Variants in HNRNPD observed in about 807,000 individuals in gnomAD.
HNRNPD encodes the protein heterogeneous nuclear ribonucleoprotein D0.
In HNRNPD, 3 loss-of-function variants were observed where a neutral mutation model predicts 47.9. The ratio of observed to expected loss-of-function variants is 0.06; its 90% CI spans 0.03 to 0.16. HNRNPD has a LOEUF of 0.16. HNRNPD is among the 10% of genes least tolerant of loss of function. The pLI, the probability that HNRNPD is intolerant of heterozygous loss-of-function variation, is 1.00. For synonymous variants in HNRNPD, 171 were observed against 165.1 expected (o/e 1.04, Z -0.28); for missense variants, 287 against 454.2 (o/e 0.63, Z 3.35).
rs369478854 is a variant in HNRNPD at position 82,373,495 on chromosome 4, C to G, written c.184G>C (p.Glu62Gln). The G allele has an allele frequency of 6.5e-6, 10 of 1,550,262 alleles. No homozygotes were observed. In the African/African-American group the frequency reaches 1.2e-4, roughly 19 times the overall value. ...GCGTCAATCTTCGCCCCCTCCGACT[C>G]GGCGCTGCCCCCTTCGGTGCCTCCA... ...ASGGTEGGSAESEGAKIDASK... is the reference protein window; with the variant it reads ...ASGGTEGGSAQSEGAKIDASK... The change falls in exon 1 of 9, where the codon GAG becomes CAG. Residue 62 changes from glutamate (E) to glutamine (Q), a missense_variant. Glu to Gln is a conservative substitution (Grantham distance 29, BLOSUM62 2). Coordinates refer to ENST00000313899, the MANE Select transcript of HNRNPD (RefSeq NM_031370.3).
At chr4:82,355,230 A>G (rs770125383) in intron 8 of HNRNPD, 74 bp downstream of exon 8, 19 of 819,902 alleles carry the variant, frequency 2.3e-5, no homozygotes, top group Non-Finnish European at 3.8e-5. Flanking sequence ...TAAATTAAGC[A>G]TTGTTTTATG....
chr4:82,365,771 A>ATTTTTTTTT (rs80051188), intron 2 of HNRNPD, among the ~76,000 whole-genome samples: 7 of 106,254 alleles, frequency 6.6e-5, no homozygotes, highest in African/African-American at 8.6e-5. Context: ...GGCCCAGCTA[A>ATTTTTTTTT]TTTTTTTTTT....
At chr4:82,364,132 A>T (rs1719626960) in intron 2 of HNRNPD, among the ~76,000 whole-genome samples, 3 of 151,798 alleles carry the variant, frequency 2.0e-5, no homozygotes, top group Non-Finnish European at 4.4e-5. Context: ...ACCCACCAAC[A>T]CACCCGGCTA....
chr4:82,358,412 T>C (rs1163937020), intron 4 of HNRNPD: 1 of 362,726 alleles, frequency 2.8e-6, no homozygotes, highest in Non-Finnish European at 4.9e-6. Context: ...TTAAGAATGT[T>C]TGTCTATTTC....
rs909923345 is a variant in HNRNPD, at chr4:82,352,599, A to T, written c.*1586T>A. On this transcript the variant is annotated 3_prime_UTR_variant, in exon 9 of 9. Coordinates refer to ENST00000313899, the MANE Select transcript of HNRNPD (RefSeq NM_031370.3). ...ACCCTAACACAAAAAATTTTCATTT[A>T]TTTTGACCATGAGTCAGCAAACTTT... is the stretch of plus-strand genomic sequence containing the variant. 10 of 152,206 alleles carry T rather than the reference A, an allele frequency of 6.6e-5. No homozygotes were observed. The highest frequency in any genetic ancestry group is 6.5e-4 in the Admixed American group (10 of 15,282). The allele number at this position is 152,206 out of a possible 1,614,324, so 9.4% of individuals were successfully genotyped here. A position where few individuals can be genotyped will look rare whatever the true frequency, so the allele number is the denominator to read the frequency against.
intron 1 of HNRNPD, 103 bp from the exon 2 acceptor site, chr4:82,371,687 G>A (rs1279974115): frequency 4.8e-6 from 4 of 835,866 alleles, no homozygotes; most frequent in African/African-American, 3.4e-5. Flanking sequence ...TCAACAGTAG[G>A]TAACTATAAA....
In HNRNPD at chr4:82,359,637, T is replaced by C; in HGVS notation, c.293A>G (p.Lys98Arg). The C allele has an allele frequency of 6.5e-7, 1 of 1,532,636 alleles. No individual in the cohort carries two copies. The allele number at this position is 1,532,636 out of a possible 1,614,324, so 94.9% of individuals were successfully genotyped here. The change falls in exon 3 of 9, where the codon AAA becomes AGA. Residue 98 changes from lysine (K) to arginine (R), a missense_variant and splice_region_variant. Around this residue, in one of 5 missense-constraint regions of HNRNPD, gnomAD observed 22 missense variants for 74.6 expected, o/e 0.30. Coordinates refer to ENST00000313899, the MANE Select transcript of HNRNPD (RefSeq NM_031370.3). ...CCAGCTAAGGCCTCCTATAAACATT[T>C]TCCTGTAAAGACAAAAAGCAGTATT... Reference protein sequence around the residue: ...EAATAQREEWKMFIGGLSWDT... With the variant: ...EAATAQREEWRMFIGGLSWDT...
chr4:82,371,058 C>A (rs868837642), intron 2 of HNRNPD, among the ~76,000 whole-genome samples: 2 of 151,812 alleles, frequency 1.3e-5, no homozygotes, highest in Middle Eastern at 6.8e-3. Flanking sequence ...AAACATTTTT[C>A]CATAATACAC....
intron 4 of HNRNPD, chr4:82,357,745 A>ATGTTTTCTTAT (rs1264010354): frequency 9.5e-6 from 2 of 211,176 alleles, no homozygotes; most frequent in Admixed American, 1.1e-4. Context: ...AAACAGTCAA[A>ATGTTTTCTTAT]TCTAAGAAAA....
intron 2 of HNRNPD, among the ~76,000 whole-genome samples, chr4:82,366,139 G>C (rs1464974472): frequency 6.6e-6 from 1 of 152,076 alleles, no homozygotes; most frequent in African/African-American, 2.4e-5. Context: ...CATTTTCAGA[G>C]ACTTCTCTGT....
intron 2 of HNRNPD, among the ~76,000 whole-genome samples, chr4:82,366,587 G>A (rs1719769852): frequency 6.6e-6 from 1 of 151,590 alleles, no homozygotes. Flanking sequence ...CTTTTTTTGA[G>A]ACGGAGTCTT....
intron 7 of HNRNPD, 170 bp downstream of exon 7, chr4:82,356,367 G>A: frequency 1.7e-6 from 1 of 593,792 alleles, no homozygotes; most frequent in Non-Finnish European, 3.0e-6. Flanking sequence ...ATGTGTGTGT[G>A]ATATAGGCTG....
At position 82,352,590 on chromosome 4, in the gene HNRNPD, TTTTCA is replaced by T. The variant is rs1723542241; in HGVS notation, c.*1590_*1594del. On this transcript the variant is annotated 3_prime_UTR_variant, in exon 9 of 9. Coordinates refer to ENST00000313899, the MANE Select transcript of HNRNPD (RefSeq NM_031370.3). ...AGCTTAACAACCCTAACACAAAAAA[TTTTCA>T]TTTATTTTGACCATGAGTCAGCAAA... The T allele has an allele frequency of 6.6e-6, 1 of 152,104 alleles. No homozygotes were observed. Among genetic ancestry groups the T allele is most frequent in the African/African-American group, 2.4e-5 (1 of 41,416 alleles). The allele number at this position is 152,104 out of a possible 1,614,324, so 9.4% of individuals were successfully genotyped here.
rs970599662 is a variant in HNRNPD at position 82,373,686 on chromosome 4, G to A, written c.-8C>T. ...GAACTGCTCCTCCGACATAGTGCTAGTGTCTCCGCCGCTGCCGCCGAGACT... is the reference window on the plus strand; with the variant it reads ...GAACTGCTCCTCCGACATAGTGCTAATGTCTCCGCCGCTGCCGCCGAGACT... On this transcript the variant is annotated 5_prime_UTR_variant, in exon 1 of 9. Transcript: ENST00000313899. 7 of 1,507,282 alleles carry A rather than the reference G, an allele frequency of 4.6e-6. No individual in the cohort carries two copies. In the African/African-American group the frequency reaches 7.6e-5, roughly 16 times the overall value. 93.4% of individuals were successfully genotyped at this position (1,507,282 alleles called of 1,614,324 possible). A position where few individuals can be genotyped will look rare whatever the true frequency, so the allele number is the denominator to read the frequency against.
At chr4:82,367,055 AG>A (rs1719800857) in intron 2 of HNRNPD, among the ~76,000 whole-genome samples, 1 of 146,452 alleles carries the variant, frequency 6.8e-6, no homozygotes, top group African/African-American at 2.5e-5. Flanking sequence ...TTAAAGAAAC[AG>A]GGGTCATATT....
chr4:82,368,778 T>C (rs1378836699), intron 2 of HNRNPD, among the ~76,000 whole-genome samples: 1 of 152,316 alleles, frequency 6.6e-6, no homozygotes, highest in Non-Finnish European at 1.5e-5. Context: ...AAGCAAACAA[T>C]GTTCAGATTG....
intron 2 of HNRNPD, among the ~76,000 whole-genome samples, chr4:82,361,324 G>A (rs999297261): frequency 6.6e-6 from 1 of 152,118 alleles, no homozygotes; most frequent in Non-Finnish European, 1.5e-5. Context: ...CCCTGTAAAG[G>A]TGAGTACACT....
intron 2 of HNRNPD, among the ~76,000 whole-genome samples, chr4:82,361,757 A>G (rs969098912): frequency 6.6e-6 from 1 of 152,212 alleles, no homozygotes; most frequent in African/African-American, 2.4e-5. Flanking sequence ...AATGTTTTTC[A>G]GACAAGAAGC....
chr4:82,373,601 C>T lies in HNRNPD; in HGVS notation c.78G>A (p.Gln26=). 1 of 1,531,416 alleles carries T rather than the reference C, an allele frequency of 6.5e-7. No individual in the cohort carries two copies. The highest frequency in any genetic ancestry group is 8.7e-7 in the Non-Finnish European group (1 of 1,143,612). 94.9% of individuals were successfully genotyped at this position (1,531,416 alleles called of 1,614,324 possible). A position where few individuals can be genotyped will look rare whatever the true frequency, so the allele number is the denominator to read the frequency against. The change falls in exon 1 of 9, where the codon CAG becomes CAA. Residue 26 remains glutamine, a synonymous_variant. Transcript: ENST00000313899. ...TAAVGGSAGE[Q]EGAMVAATQG... is the part of the protein sequence containing the mutation. ...GTGTCGCCGCCACCATGGCTCCCTC[C>T]TGCTCGCCCGCCGAGCCGCCTACCG...
Sources: allele counts gnomAD v4.1 joint callset (sites outside exome capture counted in the v4.1 genomes callset), GRCh38; gene constraint gnomAD v4.1.1; regional missense constraint gnomAD v4.1.1; transcripts MANE v1.5; gene names NCBI Gene and HGNC (gene_info 2026-07-23, HGNC 2026-07-21).